The following SPIDR variants were observed in gnomAD, a reference collection of about 807,000 sequenced individuals.
SPIDR encodes DNA repair-scaffolding protein.
Under a neutral mutation model 104.6 loss-of-function variants are expected in SPIDR, and 93 were observed. The observed-to-expected ratio is 0.89, with a 90% confidence interval of 0.75 to 1.06. SPIDR has a LOEUF of 1.06. SPIDR is among the 50% of genes least tolerant of loss of function. The probability of loss-of-function intolerance (pLI) is 0.00; values close to 1 mark genes in which losing one functional copy is unlikely to be tolerated. For missense variants in SPIDR, 1,154 were observed against 1,111.2 expected, an observed-to-expected ratio of 1.04 and a Z score of -0.55; for synonymous variants, 431 against 416.9, an observed-to-expected ratio of 1.03 and a Z score of -0.41.
chr8:47,510,941 G>A, intron 8 of SPIDR: 2 of 599,540 alleles, frequency 3.3e-6, no homozygotes, highest in Non-Finnish European at 6.0e-6. Flanking sequence ...GACTACTGGT[G>A]TGTACAAGGG....
At chr8:47,706,985 G>A (rs536164341) in intron 14 of SPIDR, among the ~76,000 whole-genome samples, 49 of 152,068 alleles carry the variant, frequency 3.2e-4, no homozygotes, top group Middle Eastern at 3.4e-3. Context: ...CAGTGCTGTG[G>A]CTCACACCTG....
At chr8:47,325,439 CAA>C (rs201630450) in intron 5 of SPIDR, among the ~76,000 whole-genome samples, 2,190 of 152,218 alleles carry the variant, frequency 0.014, 162 homozygotes, top group Admixed American at 0.12. Flanking sequence ...AAGGAGCCCA[CAA>C]GAGAAATTTG....
At chr8:47,429,366 A>G (rs955719548) in intron 7 of SPIDR, among the ~76,000 whole-genome samples, 1 of 151,386 alleles carries the variant, frequency 6.6e-6, no homozygotes, top group African/African-American at 2.4e-5. Context: ...GTGGCCCCCC[A>G]CCTCCGTGTG....
intron 5 of SPIDR, among the ~76,000 whole-genome samples, chr8:47,298,526 C>T (rs1485887022): frequency 3.2e-4 from 48 of 152,168 alleles, no homozygotes; most frequent in Non-Finnish European, 1.0e-4. Context: ...GAAGTCCTTG[C>T]CCATGCCTGT....
rs1401853818 is a variant in SPIDR at position 47,348,757 on chromosome 8, G to A, written c.526-47619G>A. Among the ~76,000 whole-genome samples, 5 of 152,140 alleles carry A rather than the reference G, an allele frequency of 3.3e-5. No individual in the cohort carries two copies. The East Asian group carries it at 9.6e-4, about 29-fold the overall frequency. On this transcript the variant is annotated intron_variant, in intron 5 of 19. Transcript: ENST00000297423. ...CAATGAATCGGCTGCTGAAGCTTGT[G>A]CATGCGTCACGTAGTTCTCGTGCCG...
intron 5 of SPIDR, among the ~76,000 whole-genome samples, chr8:47,299,585 G>T (rs1460180274): frequency 6.6e-6 from 1 of 152,088 alleles, no homozygotes; most frequent in South Asian, 2.1e-4. Context: ...TTGGCTGTGG[G>T]TTTGTCATAA....
chr8:47,339,962 A>C (rs1397869829), intron 5 of SPIDR, among the ~76,000 whole-genome samples: 1 of 152,004 alleles, frequency 6.6e-6, no homozygotes, highest in East Asian at 1.9e-4. Flanking sequence ...TACAGGCGTG[A>C]GCCACCGCGC....
At chr8:47,706,665 A>C (rs1319117806) in intron 14 of SPIDR, among the ~76,000 whole-genome samples, 2 of 152,146 alleles carry the variant, frequency 1.3e-5, no homozygotes, top group African/African-American at 4.8e-5. Flanking sequence ...GTTCTCTGTC[A>C]TTATAATTAT....
chr8:47,504,008 T>C (rs2081030885), intron 8 of SPIDR, among the ~76,000 whole-genome samples: 2 of 152,338 alleles, frequency 1.3e-5, no homozygotes, highest in Non-Finnish European at 1.5e-5. Context: ...AGACCAGCTG[T>C]TAGTCTGATG....
At chr8:47,320,544 C>T (rs534912282) in intron 5 of SPIDR, among the ~76,000 whole-genome samples, 2 of 152,310 alleles carry the variant, frequency 1.3e-5, no homozygotes, top group East Asian at 1.9e-4. Context: ...ACCATTCCTT[C>T]TGAAACTATT....
intron 8 of SPIDR, among the ~76,000 whole-genome samples, chr8:47,468,187 T>C (rs1191457105): frequency 6.6e-6 from 1 of 152,100 alleles, no homozygotes; most frequent in Non-Finnish European, 1.5e-5. Context: ...AAAACACTGC[T>C]TAAAGAAATC....
intron 5 of SPIDR, among the ~76,000 whole-genome samples, chr8:47,355,271 T>TAAAAAAAAAAA (rs34902790): frequency 9.4e-5 from 11 of 116,554 alleles, no homozygotes; most frequent in African/African-American, 3.6e-4. Context: ...AGGTTTTTTG[T>TAAAAAAAAAAA]AAAAAAAAAA....
At position 47,444,442 on chromosome 8, in the gene SPIDR, G is replaced by A. The variant is rs367804460; in HGVS notation, c.1097+3900G>A. Among the ~76,000 whole-genome samples the A allele has an allele frequency of 2.2e-4, 33 of 152,356 alleles. 1 individual carries two copies. The highest frequency in any genetic ancestry group is 7.2e-4 in the African/African-American group (30 of 41,578). On this transcript the variant is annotated intron_variant, in intron 8 of 19. Transcript: ENST00000297423. ...GCTTCTCCTCAGAATACACATCCCA[G>A]TATGCTGGAAGAGCGAAGTCTGACT...
At chr8:47,628,112 C>T (rs947070735) in intron 10 of SPIDR, among the ~76,000 whole-genome samples, 2 of 152,134 alleles carry the variant, frequency 1.3e-5, no homozygotes, top group African/African-American at 2.4e-5. Context: ...TAAAAACAAA[C>T]GAGAGACTCA....
At chr8:47,398,207 A>G (rs2061456966) in intron 6 of SPIDR, among the ~76,000 whole-genome samples, 1 of 152,208 alleles carries the variant, frequency 6.6e-6, no homozygotes, top group Non-Finnish European at 1.5e-5. Flanking sequence ...AGGAATTAGC[A>G]TGTTTTTGTT....
chr8:47,592,388 T>C (rs2061136942), intron 8 of SPIDR: 2 of 1,357,922 alleles, frequency 1.5e-6, no homozygotes. Context: ...TAAATTTTGG[T>C]CATGAAACAT....
intron 3 of SPIDR, among the ~76,000 whole-genome samples, chr8:47,290,041 T>G (rs912107617): frequency 5.9e-5 from 9 of 151,622 alleles, no homozygotes; most frequent in Non-Finnish European, 1.2e-4. Flanking sequence ...TATAACCTTT[T>G]TGTGTGTGTG....
At chr8:47,445,363 C>T (rs1469424422) in intron 8 of SPIDR, among the ~76,000 whole-genome samples, 3 of 152,086 alleles carry the variant, frequency 2.0e-5, no homozygotes, top group Non-Finnish European at 4.4e-5. Flanking sequence ...TGCCATGAAC[C>T]GTGGCCATAT....
At chr8:47,677,666 C>T (rs2076607895) in intron 11 of SPIDR, among the ~76,000 whole-genome samples, 1 of 152,140 alleles carries the variant, frequency 6.6e-6, no homozygotes, top group Non-Finnish European at 1.5e-5. Context: ...GGTCTTTGAC[C>T]TTGAATTGTG....
Sources: gnomAD v4.1 joint callset for allele counts (sites outside exome capture counted in the v4.1 genomes callset) on GRCh38, gnomAD v4.1.1 for gene constraint, MANE v1.5 for transcripts, NCBI Gene and HGNC (gene_info 2026-07-23, HGNC 2026-07-21) for gene names.